NRG3: variants seen among roughly 807,000 people sequenced by gnomAD.
The protein encoded by NRG3 is pro-neuregulin-3, membrane-bound isoform.
Under a neutral mutation model 66.9 loss-of-function variants are expected in NRG3, and 31 were observed. The observed-to-expected ratio is 0.46, with a 90% confidence interval of 0.35 to 0.63. The LOEUF is 0.63. Ranked by LOEUF, NRG3 falls within the 20% of genes least tolerant of loss-of-function variation. NRG3 has a pLI of 0.00. For missense variants in NRG3, 910 were observed against 878.9 expected (o/e 1.04, Z -0.45); for synonymous variants, 393 against 359.4 (o/e 1.09, Z -1.06).
chr10:82,872,596 T>C (rs955526285), intron 4 of NRG3, among the ~76,000 whole-genome samples: 1 of 152,108 alleles, frequency 6.6e-6, no homozygotes, highest in African/African-American at 2.4e-5. Flanking sequence ...ATGCCAGATG[T>C]ATAAGATGTT....
In NRG3 at chr10:82,393,663, C is replaced by A. The variant is rs150976714; in HGVS notation, c.953+34795C>A. On this transcript the variant is annotated intron_variant, in intron 2 of 8. Coordinates refer to ENST00000372141, the MANE Select transcript of NRG3 (RefSeq NM_001010848.4). ...CATATCACCAGAAACATAAGTGAGT[C>A]AGCTGTTCGATTCACTCCTACTACC... 7.2e-5 allele frequency among the ~76,000 whole-genome samples: 11 copies of A among 152,252 alleles called. No individual in the cohort carries two copies. In the East Asian group the frequency reaches 1.7e-3, roughly 24 times the overall value.
chr10:82,050,201 C>T (rs574206363), intron 1 of NRG3, among the ~76,000 whole-genome samples: 1 of 152,210 alleles, frequency 6.6e-6, no homozygotes, highest in East Asian at 1.9e-4. Flanking sequence ...CAAGTCACTT[C>T]AACCTCATCC....
intron 2 of NRG3, among the ~76,000 whole-genome samples, chr10:82,624,747 T>C (rs917935901): frequency 6.8e-6 from 1 of 147,968 alleles, no homozygotes; most frequent in African/African-American, 2.5e-5. Flanking sequence ...TTAATATAAG[T>C]TTAATTTTAC....
At chr10:82,741,521 T>G (rs2058422945) in intron 3 of NRG3, among the ~76,000 whole-genome samples, 1 of 152,188 alleles carries the variant, frequency 6.6e-6, no homozygotes, top group Admixed American at 6.5e-5. Context: ...CTATAATTGT[T>G]ACTAATACGC....
chr10:81,991,743 A>G (rs932907952), intron 1 of NRG3, among the ~76,000 whole-genome samples: 5 of 152,182 alleles, frequency 3.3e-5, no homozygotes, highest in African/African-American at 1.2e-4. Context: ...ATAATAATAG[A>G]AATAATTACC....
In NRG3 at chr10:81,999,300, C is replaced by T. The variant is rs191589528; in HGVS notation, c.823+123137C>T. ...AAGAGACAGTAGAAATTGAAGAAAA[C>T]GATAAAATTTAAGAAGAACGATTTC... On this transcript the variant is annotated intron_variant, in intron 1 of 8. Transcript: ENST00000372141. Among the ~76,000 whole-genome samples the T allele has an allele frequency of 2.2e-3, 335 of 152,104 alleles. 1 individual carries two copies. Among genetic ancestry groups the T allele is most frequent in the Middle Eastern group, 0.01 (3 of 294 alleles).
At chr10:82,096,021 C>G (rs745828167) in intron 1 of NRG3, among the ~76,000 whole-genome samples, 8 of 152,094 alleles carry the variant, frequency 5.3e-5, no homozygotes, top group Non-Finnish European at 8.8e-5. Flanking sequence ...AAGTGAAAAT[C>G]TGGACAGCAT....
At chr10:82,207,278 A>G (rs1052991009) in intron 1 of NRG3, among the ~76,000 whole-genome samples, 1 of 152,188 alleles carries the variant, frequency 6.6e-6, no homozygotes, top group African/African-American at 2.4e-5. Context: ...ATTTTTGTCG[A>G]TAGAAAAATA....
intron 2 of NRG3, among the ~76,000 whole-genome samples, chr10:82,430,818 T>G (rs1296506638): frequency 2.0e-5 from 3 of 152,194 alleles, no homozygotes; most frequent in African/African-American, 7.2e-5. Context: ...AATCAATATG[T>G]TTCCGACCAT....
At chr10:81,979,893 G>T (rs1194709646) in intron 1 of NRG3, among the ~76,000 whole-genome samples, 1 of 152,170 alleles carries the variant, frequency 6.6e-6, no homozygotes, top group African/African-American at 2.4e-5. Flanking sequence ...CTTTGTCTGT[G>T]TATTTTACAA....
chr10:82,795,409 T>A (rs2060759122), intron 3 of NRG3, among the ~76,000 whole-genome samples: 1 of 152,220 alleles, frequency 6.6e-6, no homozygotes, highest in South Asian at 2.1e-4. Flanking sequence ...TTCATTTGGA[T>A]TTTATTCCTT....
chr10:82,470,850 C>T (rs1026315093), intron 2 of NRG3, among the ~76,000 whole-genome samples: 1 of 152,198 alleles, frequency 6.6e-6, no homozygotes, highest in African/African-American at 2.4e-5. Flanking sequence ...AACCCTGCCT[C>T]CTCAAGCTCC....
At chr10:82,496,527 CTCTT>C (rs1223582164) in intron 2 of NRG3, among the ~76,000 whole-genome samples, 1 of 152,116 alleles carries the variant, frequency 6.6e-6, no homozygotes, top group Non-Finnish European at 1.5e-5. Context: ...TTGTTTATTT[CTCTT>C]TCTGCCTTTA....
At chr10:82,560,630 T>G (rs769329135) in intron 2 of NRG3, among the ~76,000 whole-genome samples, 7 of 151,098 alleles carry the variant, frequency 4.6e-5, no homozygotes, top group Non-Finnish European at 8.9e-5. Flanking sequence ...TTATCTGAAT[T>G]TATTAAAAAT....
intron 4 of NRG3, among the ~76,000 whole-genome samples, chr10:82,894,002 C>T (rs1273375627): frequency 6.6e-6 from 1 of 152,102 alleles, no homozygotes; most frequent in East Asian, 1.9e-4. Context: ...AAACATCAAG[C>T]TCAGTTGATT....
intron 1 of NRG3, among the ~76,000 whole-genome samples, chr10:82,287,574 G>T (rs1479003752): frequency 6.6e-6 from 1 of 152,046 alleles, no homozygotes; most frequent in Non-Finnish European, 1.5e-5. Context: ...TGGGGTGAGG[G>T]TGGGCAGCAT....
intron 1 of NRG3, among the ~76,000 whole-genome samples, chr10:82,223,334 T>A (rs1230316928): frequency 6.6e-6 from 1 of 151,980 alleles, no homozygotes; most frequent in Non-Finnish European, 1.5e-5. Context: ...GTACTTAATT[T>A]CTCAAAAAAA....
At chr10:82,189,495 A>G (rs1162837032) in intron 1 of NRG3, among the ~76,000 whole-genome samples, 1 of 151,696 alleles carries the variant, frequency 6.6e-6, no homozygotes, top group East Asian at 1.9e-4. Context: ...GTCTCTACTA[A>G]ACATAAAAAA....
At chr10:82,758,918 A>G (rs1429092392) in intron 3 of NRG3, among the ~76,000 whole-genome samples, 1 of 151,888 alleles carries the variant, frequency 6.6e-6, no homozygotes, top group Non-Finnish European at 1.5e-5. Context: ...TGTGGTGATA[A>G]GTAAAATAGA....
Sources: gnomAD v4.1 joint callset for allele counts (sites outside exome capture counted in the v4.1 genomes callset) on GRCh38, gnomAD v4.1.1 for gene constraint, MANE v1.5 for transcripts, NCBI Gene and HGNC (gene_info 2026-07-23, HGNC 2026-07-21) for gene names.